The following PCDHGA6 variants were observed in gnomAD, a reference collection of about 807,000 sequenced individuals.
The protein encoded by PCDHGA6 is protocadherin gamma-A6.
In PCDHGA6, 41 loss-of-function variants were observed where a neutral mutation model predicts 60.6. The observed-to-expected ratio is 0.68, with a 90% CI of 0.53 to 0.88. PCDHGA6 has a LOEUF of 0.88. Ranked by LOEUF, PCDHGA6 falls within the 40% of genes least tolerant of loss-of-function variation. PCDHGA6 has a pLI of 0.00. For missense variants in PCDHGA6, 1,312 were observed against 1,203.0 expected (o/e 1.09, Z -1.34); for synonymous variants, 594 against 524.4 (o/e 1.13, Z -1.81).
chr5:141,478,736 T>C (rs2099474016), intron 1 of PCDHGA6: 1 of 1,534,678 alleles, frequency 6.5e-7, no homozygotes, highest in African/African-American at 1.4e-5. Flanking sequence ...GTGTGGTTTG[T>C]GGTCCCATTT....
intron 2 of PCDHGA6, among the ~76,000 whole-genome samples, chr5:141,495,279 G>C (rs72790069): frequency 0.027 from 4,092 of 152,256 alleles, 88 homozygotes; most frequent in Middle Eastern, 0.048. Flanking sequence ...CGGAGGAGGC[G>C]GTCCGCACTC....
intron 1 of PCDHGA6, among the ~76,000 whole-genome samples, chr5:141,460,407 TTG>T: frequency 6.6e-6 from 1 of 152,188 alleles, no homozygotes; most frequent in Non-Finnish European, 1.5e-5. Flanking sequence ...TCCTTTTGAG[TTG>T]ATGTTTATGT....
At position 141,431,738 on chromosome 5, in the gene PCDHGA6, TA is replaced by T; in HGVS notation, c.2424+55232del. ...AGTGCAAGCAATGGATAATGCAGGA[TA>T]TTCTGCGCGAGCCAAAGTCCTGATC... On this transcript the variant is annotated intron_variant, in intron 1 of 3. Coordinates refer to ENST00000517434, the MANE Select transcript of PCDHGA6 (RefSeq NM_018919.3). The surrounding 1 kb of genome is among the most constrained non-coding windows in gnomAD (Gnocchi z 4.8). The T allele has an allele frequency of 6.2e-7, 1 of 1,614,234 alleles. No individual in the cohort carries two copies. Among genetic ancestry groups the T allele is most frequent in the South Asian group, 1.1e-5 (1 of 91,092 alleles).
intron 1 of PCDHGA6, chr5:141,384,400 G>C: frequency 6.2e-7 from 1 of 1,613,936 alleles, no homozygotes; most frequent in South Asian, 1.1e-5. Flanking sequence ...GGGGGCTCCA[G>C]TGTCCTCCTA....
In PCDHGA6 at chr5:141,413,613, TA is replaced by T. The variant is rs2095659138; in HGVS notation, c.2424+37108del. The T allele has an allele frequency of 4.3e-6, 7 of 1,613,714 alleles. No individual in the cohort carries two copies. The East Asian group carries it at 1.6e-4, about 36-fold the overall frequency. On this transcript the variant is annotated intron_variant, in intron 1 of 3. Transcript: ENST00000517434. Reference sequence around the variant, plus strand: ...AAGCAGAAAATCTAGACGTAAAAATTAATGAAAATGTCGCTGCGGGAATGCG... The same window carrying T: ...AAGCAGAAAATCTAGACGTAAAAATTATGAAAATGTCGCTGCGGGAATGCG...
In PCDHGA6 at chr5:141,410,786, TTCA is replaced by T. The variant is rs1001093749; in HGVS notation, c.2424+34281_2424+34283del. ...ATTATAGTTTTCACTATGTATTTGG[TTCA>T]TAAGTTGCTCTATCTTTTTGTAAAA... On this transcript the variant is annotated intron_variant, in intron 1 of 3. Transcript: ENST00000517434. 39 of 852,378 alleles carry T rather than the reference TTCA, an allele frequency of 4.6e-5. No homozygotes were observed. In the African/African-American group the frequency reaches 6.2e-4, roughly 13 times the overall value. 52.8% of individuals were successfully genotyped at this position (852,378 alleles called of 1,614,324 possible). A position where few individuals can be genotyped will look rare whatever the true frequency, so the allele number is the denominator to read the frequency against.
In PCDHGA6 at chr5:141,388,498, A is replaced by G. The variant is rs1025242684; in HGVS notation, c.2424+11991A>G. The G allele has an allele frequency of 9.9e-6, 16 of 1,613,748 alleles. No homozygotes were observed. Among genetic ancestry groups the G allele is most frequent in the Admixed American group, 1.7e-5 (1 of 60,004 alleles). ...AAGACACCTTTGGACAGAGAAAAGCAGAAATCCTACCACTTGACTTTGACT... is the reference window on the plus strand; with the variant it reads ...AAGACACCTTTGGACAGAGAAAAGCGGAAATCCTACCACTTGACTTTGACT... On this transcript the variant is annotated intron_variant, in intron 1 of 3. Transcript: ENST00000517434.
Position 141,491,075 on chromosome 5 carries a change from A to G in PCDHGA6, c.2425-3732A>G, listed in dbSNP as rs147291399. ...TGGCTCTCCTACTCACTGTTGCCAC[A>G]GTCCACAGCCCCAGGACTGTTCCTC... is the stretch of plus-strand genomic sequence containing the variant. On this transcript the variant is annotated intron_variant, in intron 1 of 3. Coordinates refer to ENST00000517434, the MANE Select transcript of PCDHGA6 (RefSeq NM_018919.3). This position sits in a 1 kb window ranked among gnomAD's most constrained non-coding sequence, Gnocchi z 6.9. 1.2e-6 allele frequency: 2 copies of G among 1,614,080 alleles called. No individual in the cohort carries two copies. Among genetic ancestry groups the G allele is most frequent in the Non-Finnish European group, 8.5e-7 (1 of 1,180,042 alleles).
rs1175280816 is a variant in PCDHGA6 at position 141,511,121 on chromosome 5, C to T, written c.2747C>T (p.Pro916Leu). 2 of 1,614,102 alleles carry T rather than the reference C, an allele frequency of 1.2e-6. No homozygotes were observed. Among genetic ancestry groups the T allele is most frequent in the African/African-American group, 1.3e-5 (1 of 74,938 alleles). Residue 916 changes from proline (P) to leucine (L), a missense_variant, in exon 4 of 4, where the codon CCA becomes CTA. Transcript: ENST00000517434. ...GCTGGCAAGCGGGATGGCAAGGCCCCAGCAGGTGGCAATGGCAACAAGAAG... is the reference window on the plus strand; with the variant it reads ...GCTGGCAAGCGGGATGGCAAGGCCCTAGCAGGTGGCAATGGCAACAAGAAG... ...NAAGKRDGKA[P>L]AGGNGNKKKS...
chr5:141,490,317 C>A lies in PCDHGA6; in HGVS notation c.2425-4490C>A, dbSNP rs2233604. ...TATTGGCCTCTTTGGCCAACCCTGT[C>A]CTAGAGAGCACACCAGTGGGCACAG... On this transcript the variant is annotated intron_variant, in intron 1 of 3. Coordinates refer to ENST00000517434, the MANE Select transcript of PCDHGA6 (RefSeq NM_018919.3). The surrounding 1 kb of genome is among the most constrained non-coding windows in gnomAD (Gnocchi z 5.4). 32,069 of 1,614,158 alleles carry A rather than the reference C, an allele frequency of 0.02. 521 individuals carry two copies. Among genetic ancestry groups the A allele is most frequent in the African/African-American group, 0.081 (6,098 of 75,022 alleles).
chr5:141,399,349 C>A (rs1467940246), intron 1 of PCDHGA6: 15 of 1,613,814 alleles, frequency 9.3e-6, no homozygotes, highest in African/African-American at 1.3e-5. Flanking sequence ...AACCCTAGAC[C>A]GAGAGCAAAC....
chr5:141,472,268 A>G (rs399559), intron 1 of PCDHGA6, among the ~76,000 whole-genome samples: 152,324 of 152,332 alleles, frequency 1, 76,158 homozygotes, highest in Middle Eastern at 1. Flanking sequence ...ATAGCCGGGC[A>G]CAGTGGCTCA....
chr5:141,419,618 C>T (rs746617593), intron 1 of PCDHGA6: 3 of 1,612,326 alleles, frequency 1.9e-6, no homozygotes, highest in South Asian at 1.1e-5. Flanking sequence ...GCCAGGCTAC[C>T]TGGTGACCAA....
intron 1 of PCDHGA6, chr5:141,399,117 A>C (rs370431268): frequency 6.2e-6 from 10 of 1,613,848 alleles, no homozygotes; most frequent in Non-Finnish European, 8.5e-6. Flanking sequence ...GTACAGTTGA[A>C]ATTAATATTC....
rs376049572 is a variant in PCDHGA6 at position 141,375,125 on chromosome 5, G to C, written c.1042G>C (p.Val348Leu). The C allele has an allele frequency of 7.9e-5, 128 of 1,613,766 alleles. No individual in the cohort carries two copies. Among genetic ancestry groups the C allele is most frequent in the African/African-American group, 1.3e-5 (1 of 74,930 alleles). Residue 348 changes from valine to leucine, a missense_variant, in exon 1 of 4, where the codon GTT becomes CTT. By Grantham distance (32) the Val-to-Leu change is conservative. Transcript: ENST00000517434. Reference protein sequence around the residue: ...LDVNDNVPEVVVTSGSRTIAE... With the variant: ...LDVNDNVPEVLVTSGSRTIAE... ...TGTCAATGATAATGTACCAGAAGTG[G>C]TTGTTACATCTGGAAGCAGAACAAT...
At chr5:141,451,703 A>C (rs975120935) in intron 1 of PCDHGA6, among the ~76,000 whole-genome samples, 2 of 152,144 alleles carry the variant, frequency 1.3e-5, no homozygotes, top group Non-Finnish European at 2.9e-5. Context: ...GTAACATGAC[A>C]AAACCCTGCC....
Position 141,375,718 on chromosome 5 carries a change from C to T in PCDHGA6, c.1635C>T (p.Asn545=). The T allele has an allele frequency of 1.2e-6, 2 of 1,614,270 alleles. No individual in the cohort carries two copies. The highest frequency in any genetic ancestry group is 1.3e-5 in the African/African-American group (1 of 75,074). The change falls in exon 1 of 4, where the codon AAC becomes AAT. Residue 545 remains asparagine (N), a synonymous_variant. Coordinates refer to ENST00000517434, the MANE Select transcript of PCDHGA6 (RefSeq NM_018919.3). ...GCGGGGACCCGCCTCTTAGCAGCAA[C>T]GTGTCACTGAGCCTGTTTGTGCTGG... is the stretch of plus-strand genomic sequence containing the variant. ...SDSGDPPLSS[N]VSLSLFVLDQ...
At chr5:141,428,100 G>A (rs1313410784) in intron 1 of PCDHGA6, 6 of 1,608,582 alleles carry the variant, frequency 3.7e-6, no homozygotes, top group East Asian at 2.2e-5. Context: ...GTCCTACCAC[G>A]TGCTGCAGGC....
At position 141,476,565 on chromosome 5, in the gene PCDHGA6, C is replaced by A; in HGVS notation, c.2425-18242C>A. 1 of 1,614,184 alleles carries A rather than the reference C, an allele frequency of 6.2e-7. No homozygotes were observed. ...TTGGAGATTAGCGAGGCCGTGGCTC[C>A]GGGGACGCGCTTTCCGCTCGAGAGC... On this transcript the variant is annotated intron_variant, in intron 1 of 3. Coordinates refer to ENST00000517434, the MANE Select transcript of PCDHGA6 (RefSeq NM_018919.3). The surrounding 1 kb of genome is among the most constrained non-coding windows in gnomAD (Gnocchi z 7.6).
Sources: allele counts gnomAD v4.1 joint callset (sites outside exome capture counted in the v4.1 genomes callset), GRCh38; gene constraint gnomAD v4.1.1; non-coding constraint Gnocchi (gnomAD v3.1); transcripts MANE v1.5; gene names NCBI Gene and HGNC (gene_info 2026-07-23, HGNC 2026-07-21).